ZSCAN31: variants seen among roughly 807,000 people sequenced by gnomAD.
The protein encoded by ZSCAN31 is zinc finger and SCAN domain containing 31.
Under a neutral mutation model 22.5 loss-of-function variants are expected in ZSCAN31, and 14 were observed. The ratio of observed to expected loss-of-function variants is 0.62; its 90% CI spans 0.41 to 0.97. The LOEUF is 0.97. Ranked by LOEUF, ZSCAN31 falls within the 50% of genes least tolerant of loss-of-function variation. The pLI is 0.00. For synonymous variants in ZSCAN31, 168 were observed against 169.8 expected (o/e 0.99, Z 0.08); for missense variants, 424 against 483.4 (o/e 0.88, Z 1.15).
At chr6:28,328,196 C>A (rs1041561202) in intron 2 of ZSCAN31, among the ~76,000 whole-genome samples, 7 of 152,192 alleles carry the variant, frequency 4.6e-5, no homozygotes, top group Non-Finnish European at 8.8e-5. Flanking sequence ...AATGAAGTTT[C>A]GGGCACCACT....
At chr6:28,343,010 T>C (rs2113854589) in intron 2 of ZSCAN31, among the ~76,000 whole-genome samples, 1 of 152,320 alleles carries the variant, frequency 6.6e-6, no homozygotes, top group African/African-American at 2.4e-5. Flanking sequence ...TGAGTTGACA[T>C]TGATACCTAG....
upstream of ZSCAN31, among the ~76,000 whole-genome samples, chr6:28,340,078 A>G (rs1371347726): frequency 6.6e-6 from 1 of 152,240 alleles, no homozygotes; most frequent in Non-Finnish European, 1.5e-5. Flanking sequence ...TTAATCATAA[A>G]CCCACTTCTG....
chr6:28,349,000 GT>G (rs1764776191), intron 2 of ZSCAN31, among the ~76,000 whole-genome samples: 2 of 126,994 alleles, frequency 1.6e-5, no homozygotes, highest in African/African-American at 6.0e-5. Flanking sequence ...GTATATACAT[GT>G]CTCATATACA....
chr6:28,327,272 G>A, intron 3 of ZSCAN31, 111 bp downstream of exon 3: 3 of 1,258,742 alleles, frequency 2.4e-6, no homozygotes, highest in Non-Finnish European at 2.2e-6. Context: ...ACTATTAAAT[G>A]CAGCGTTTAA....
At position 28,326,554 on chromosome 6, in the gene ZSCAN31, C is replaced by T. The variant is rs144054310; in HGVS notation, c.833G>A (p.Arg278Gln). 8.8e-5 allele frequency: 142 copies of T among 1,614,030 alleles called. No individual in the cohort carries two copies. The highest frequency in any genetic ancestry group is 8.5e-5 in the Non-Finnish European group (100 of 1,179,976). Residue 278 changes from arginine (R) to glutamine (Q), a missense_variant, in exon 4 of 4, where the codon CGG becomes CAG. Arg to Gln is a conservative substitution (Grantham distance 43). Transcript: ENST00000344279. Reference protein sequence around the residue: ...ECEECGKAFSRRSSLNEHRRS... With the variant: ...ECEECGKAFSQRSSLNEHRRS... ...CCGATGTTCATTCAGGCTTGACCTCCGGCTGAAGGCCTTCCCACATTCTTC... is the reference window on the plus strand; with the variant it reads ...CCGATGTTCATTCAGGCTTGACCTCTGGCTGAAGGCCTTCCCACATTCTTC...
rs1764147202 is a variant in ZSCAN31, at chr6:28,336,077, C to G, written c.-96+5G>C. The stretch of plus-strand genomic sequence containing the variant: ...GGCGGGTCGCGACAAGGGGCCAAGA[C>G]TCACCTTCGGGGCACCGGCAAGCTA... On this transcript the variant is annotated splice_donor_5th_base_variant and intron_variant, in intron 1 of 3. Transcript: ENST00000344279. 1 of 152,428 alleles carries G rather than the reference C, an allele frequency of 6.6e-6. No individual in the cohort carries two copies. The highest frequency in any genetic ancestry group is 2.1e-4 in the South Asian group (1 of 4,842). The allele number at this position is 152,428 out of a possible 1,614,324, so 9.4% of individuals were successfully genotyped here.
chr6:28,345,835 A>G (rs1022626065), intron 2 of ZSCAN31, among the ~76,000 whole-genome samples: 2 of 152,212 alleles, frequency 1.3e-5, no homozygotes, highest in Non-Finnish European at 2.9e-5. Context: ...AAGCATAGCT[A>G]AAGTGCCAAC....
chr6:28,356,081 C>T (rs759282312), upstream of ZSCAN31: 4 of 152,204 alleles, frequency 2.6e-5, no homozygotes, highest in Non-Finnish European at 4.4e-5. Context: ...CAGCTCTGCC[C>T]GGAAACTTAT....
Position 28,345,853 on chromosome 6 carries a change from T to C in ZSCAN31, c.-370-4061A>G, listed in dbSNP as rs1764621187. Among the ~76,000 whole-genome samples the C allele has an allele frequency of 2.6e-5, 4 of 152,296 alleles. No individual in the cohort carries two copies. In the South Asian group the frequency reaches 8.3e-4, roughly 32 times the overall value. On this transcript the variant is annotated intron_variant, in intron 2 of 7. Coordinates refer to the ZSCAN31 transcript ENST00000396838. ...CATAGCTAAAGTGCCAACTTACATATGATACCCTGAAACAATGGGGTGTCA... is the reference window on the plus strand; with the variant it reads ...CATAGCTAAAGTGCCAACTTACATACGATACCCTGAAACAATGGGGTGTCA...
At position 28,326,035 on chromosome 6, in the gene ZSCAN31, C is replaced by T; in HGVS notation, c.*131G>A. On this transcript the variant is annotated 3_prime_UTR_variant, in exon 4 of 4. Coordinates refer to ENST00000344279, the MANE Select transcript of ZSCAN31 (RefSeq NM_030899.5). ...CAGAATAAGCCACTTGAAAATCTTA[C>T]TTTCCAAGACGGCCCCATTTAGGGG... 1.2e-6 allele frequency: 1 copy of T among 843,756 alleles called. No homozygotes were observed. The highest frequency in any genetic ancestry group is 1.9e-6 in the Non-Finnish European group (1 of 538,596). The allele number at this position is 843,756 out of a possible 1,614,324, so 52.3% of individuals were successfully genotyped here.
chr6:28,326,062 C>T lies in ZSCAN31; in HGVS notation c.*104G>A, dbSNP rs1331712197. On this transcript the variant is annotated 3_prime_UTR_variant, in exon 4 of 4. Transcript: ENST00000344279. ...TTCCAAGACGGCCCCATTTAGGGGTCTGAGGGTCCACAGAATTAGTCCAGT... is the reference window on the plus strand; with the variant it reads ...TTCCAAGACGGCCCCATTTAGGGGTTTGAGGGTCCACAGAATTAGTCCAGT... The T allele has an allele frequency of 8.1e-6, 9 of 1,105,382 alleles. No homozygotes were observed. Among genetic ancestry groups the T allele is most frequent in the Non-Finnish European group, 1.2e-5 (9 of 772,862 alleles). The allele number at this position is 1,105,382 out of a possible 1,614,324, so 68.5% of individuals were successfully genotyped here.
chr6:28,343,716 A>G (rs371130357), intron 2 of ZSCAN31, among the ~76,000 whole-genome samples: 4 of 151,508 alleles, frequency 2.6e-5, no homozygotes, highest in South Asian at 2.1e-4. Context: ...GTTTAGTAGA[A>G]ACGGGGTTTC....
chr6:28,326,111 A>T lies in ZSCAN31; in HGVS notation c.*55T>A, dbSNP rs1375100488. On this transcript the variant is annotated 3_prime_UTR_variant, in exon 4 of 4. Transcript: ENST00000344279. The stretch of plus-strand genomic sequence containing the variant: ...GTTCTGCTGGAACAGTATGGATTCT[A>T]AAATGCCTAATAAGGTTGCAATGAT... 13 of 1,485,178 alleles carry T rather than the reference A, an allele frequency of 8.8e-6. No homozygotes were observed. Among genetic ancestry groups the T allele is most frequent in the Non-Finnish European group, 1.2e-5 (13 of 1,096,920 alleles). The allele number at this position is 1,485,178 out of a possible 1,614,324, so 92.0% of individuals were successfully genotyped here. A position where few individuals can be genotyped will look rare whatever the true frequency, so the allele number is the denominator to read the frequency against.
intron 2 of ZSCAN31, among the ~76,000 whole-genome samples, chr6:28,345,219 G>A (rs1318812425): frequency 6.6e-6 from 1 of 151,924 alleles, no homozygotes; most frequent in African/African-American, 2.4e-5. Flanking sequence ...AAGAGGTCTG[G>A]GAAAGAGTCA....
At position 28,345,144 on chromosome 6, in the gene ZSCAN31, C is replaced by CAAAA. The variant is rs60598517; in HGVS notation, c.-370-3356_-370-3353dup. Among the ~76,000 whole-genome samples the CAAAA allele has an allele frequency of 2.2e-3, 203 of 93,636 alleles. 1 individual carries two copies. The highest frequency in any genetic ancestry group is 7.0e-3 in the African/African-American group (186 of 26,394). 61.4% of individuals were successfully genotyped at this position (93,636 alleles called of 152,430 possible). A position where few individuals can be genotyped will look rare whatever the true frequency, so the allele number is the denominator to read the frequency against. Reference sequence around the variant, plus strand: ...CAGGCAACGCAGTGAAACTGTGTCTCAAAAAAAAAAAAAAAAGAAAAAGAA... The same window carrying CAAAA: ...CAGGCAACGCAGTGAAACTGTGTCTCAAAAAAAAAAAAAAAAAAAAGAAAAAGAA... On this transcript the variant is annotated intron_variant, in intron 2 of 7. Coordinates refer to the ZSCAN31 transcript ENST00000396838.
upstream of ZSCAN31, among the ~76,000 whole-genome samples, chr6:28,339,233 T>C (rs918449023): frequency 3.9e-5 from 6 of 152,216 alleles, no homozygotes; most frequent in African/African-American, 1.4e-4. Context: ...TGCTTCCTGA[T>C]GTCAGAATAA....
chr6:28,331,517 A>G lies in ZSCAN31; in HGVS notation c.-95-1739T>C, dbSNP rs1438405601. On this transcript the variant is annotated intron_variant, in intron 1 of 3. Coordinates refer to ENST00000344279, the MANE Select transcript of ZSCAN31 (RefSeq NM_030899.5). The surrounding 1 kb of genome is among the most constrained non-coding windows in gnomAD (Gnocchi z 4.8). ...GACCTTAATAAAATATTCACATAAA[A>G]TGATGTTACAGAATTGAGAATTTGA... 1.3e-5 allele frequency among the ~76,000 whole-genome samples: 2 copies of G among 152,250 alleles called. No individual in the cohort carries two copies. The highest frequency in any genetic ancestry group is 2.4e-5 in the African/African-American group (1 of 41,468).
At position 28,325,434 on chromosome 6, in the gene ZSCAN31, G is replaced by C. The variant is rs1381906397; in HGVS notation, c.*732C>G. 1.3e-5 allele frequency: 2 copies of C among 151,892 alleles called. No homozygotes were observed. The highest frequency in any genetic ancestry group is 4.8e-5 in the African/African-American group (2 of 41,284). The allele number at this position is 151,892 out of a possible 1,614,324, so 9.4% of individuals were successfully genotyped here. A position where few individuals can be genotyped will look rare whatever the true frequency, so the allele number is the denominator to read the frequency against. On this transcript the variant is annotated 3_prime_UTR_variant, in exon 4 of 4. Transcript: ENST00000344279. The stretch of plus-strand genomic sequence containing the variant: ...ATCATCAACATAGTTATGTTGATAT[G>C]TATATACTATGTTGATGATTCATGT...
rs993332127 is a variant in ZSCAN31, at chr6:28,347,605, C to G, written c.-370-5813G>C. On this transcript the variant is annotated intron_variant, in intron 2 of 7. Transcript: ENST00000396838. The surrounding 1 kb of genome is among the most constrained non-coding windows in gnomAD (Gnocchi z 5.2). ...ATTATTATTATTTTTTTGGCTCAGT[C>G]TCCCCTGGAACATTAGCTCTATGAG... is the stretch of plus-strand genomic sequence containing the variant. Among the ~76,000 whole-genome samples the G allele has an allele frequency of 2.0e-5, 3 of 152,076 alleles. No individual in the cohort carries two copies. Among genetic ancestry groups the G allele is most frequent in the Non-Finnish European group, 4.4e-5 (3 of 68,014 alleles).
Sources: gnomAD v4.1 joint callset for allele counts (sites outside exome capture counted in the v4.1 genomes callset) on GRCh38, gnomAD v4.1.1 for gene constraint, Gnocchi (gnomAD v3.1) non-coding constraint, MANE v1.5 for transcripts, NCBI Gene and HGNC (gene_info 2026-07-23, HGNC 2026-07-21) for gene names.